Variants in CSMD1 observed in about 807,000 individuals in gnomAD.
CSMD1 encodes the protein CUB and Sushi multiple domains 1.
Under a neutral mutation model 417.5 loss-of-function variants are expected in CSMD1, and 213 were observed. The ratio of observed to expected loss-of-function variants is 0.51; its 90% confidence interval spans 0.46 to 0.57. The LOEUF (loss-of-function observed/expected upper bound fraction) is 0.57. CSMD1 is among the 20% of genes least tolerant of loss of function. The probability of loss-of-function intolerance (pLI) is 0.00; values close to 1 mark genes in which losing one functional copy is unlikely to be tolerated. For missense variants in CSMD1, 6,923 were observed against 4,529.7 expected, an observed-to-expected ratio of 1.53 and a Z score of -15.17; for synonymous variants, 2,862 against 1,736.8, an observed-to-expected ratio of 1.65 and a Z score of -16.11.
intron 1 of CSMD1, among the ~76,000 whole-genome samples, chr8:4,742,765 T>G (rs1418468987): frequency 6.6e-6 from 1 of 152,202 alleles, no homozygotes; most frequent in Non-Finnish European, 1.5e-5. Context: ...GTCTATTAAA[T>G]GCCATGTCAG....
chr8:2,953,232 G>A (rs1354546773), intron 65 of CSMD1, among the ~76,000 whole-genome samples: 3 of 152,116 alleles, frequency 2.0e-5, no homozygotes, highest in African/African-American at 4.8e-5. Flanking sequence ...AAATAAAATA[G>A]TCTAGAAAGC....
intron 1 of CSMD1, among the ~76,000 whole-genome samples, chr8:4,664,355 T>G (rs1447015134): frequency 6.6e-6 from 1 of 151,798 alleles, no homozygotes; most frequent in Non-Finnish European, 1.5e-5. Flanking sequence ...AGCTCAGGAG[T>G]TCTAGACCAG....
chr8:3,578,591 A>G (rs77599443), intron 9 of CSMD1, among the ~76,000 whole-genome samples: 2,658 of 152,294 alleles, frequency 0.017, 81 homozygotes, highest in African/African-American at 0.059. Flanking sequence ...AAACGATGCC[A>G]TAAGTTCTGA....
chr8:4,550,310 G>A (rs1305575928), intron 2 of CSMD1, among the ~76,000 whole-genome samples: 4 of 147,834 alleles, frequency 2.7e-5, no homozygotes, highest in Non-Finnish European at 4.4e-5. Flanking sequence ...ACATTTCATT[G>A]GAAGAAGCAT....
rs186619305 is a variant in CSMD1, at chr8:3,671,047, G to T, written c.1009+37367C>A. ...GGATATATGCATATGGGATATATATGTATATAGGATATATATGTATATGGG... is the reference window on the plus strand; with the variant it reads ...GGATATATGCATATGGGATATATATTTATATAGGATATATATGTATATGGG... On this transcript the variant is annotated intron_variant, in intron 7 of 69. Coordinates refer to ENST00000635120, the MANE Select transcript of CSMD1 (RefSeq NM_033225.6). Among the ~76,000 whole-genome samples the T allele has an allele frequency of 4.3e-3, 526 of 121,654 alleles. 9 individuals carry two copies. Among genetic ancestry groups the T allele is most frequent in the African/African-American group, 0.013 (469 of 36,046 alleles). The allele number at this position is 121,654 out of a possible 152,430, so 79.8% of individuals were successfully genotyped here. A position where few individuals can be genotyped will look rare whatever the true frequency, so the allele number is the denominator to read the frequency against.
chr8:4,316,886 G>A (rs4875328), intron 3 of CSMD1, among the ~76,000 whole-genome samples: 1 of 152,086 alleles, frequency 6.6e-6, no homozygotes, highest in Non-Finnish European at 1.5e-5. Context: ...TCCAAATCTT[G>A]GGGTGGGGGA....
At chr8:3,088,367 G>A (rs988547695) in intron 48 of CSMD1, among the ~76,000 whole-genome samples, 6 of 152,186 alleles carry the variant, frequency 3.9e-5, no homozygotes, top group Admixed American at 3.9e-4. Context: ...TAAGAACTGG[G>A]AATTCTCAGT....
intron 1 of CSMD1, among the ~76,000 whole-genome samples, chr8:4,761,534 T>C (rs1371612895): frequency 6.6e-6 from 1 of 152,130 alleles, no homozygotes; most frequent in Non-Finnish European, 1.5e-5. Context: ...TATATGTACT[T>C]GGGCAGCTCT....
intron 3 of CSMD1, among the ~76,000 whole-genome samples, chr8:4,115,127 C>G (rs923930490): frequency 6.6e-6 from 1 of 152,070 alleles, no homozygotes; most frequent in Non-Finnish European, 1.5e-5. Context: ...AAAAAAAGTC[C>G]ATAGATGAGG....
intron 12 of CSMD1, among the ~76,000 whole-genome samples, chr8:3,458,802 G>T (rs1459533463): frequency 6.6e-6 from 1 of 152,150 alleles, no homozygotes; most frequent in Admixed American, 6.5e-5. Flanking sequence ...GCTCTGCAAT[G>T]GTCTGGAGAA....
chr8:4,043,209 A>G (rs1357297540), intron 3 of CSMD1, among the ~76,000 whole-genome samples: 1 of 152,226 alleles, frequency 6.6e-6, no homozygotes, highest in East Asian at 1.9e-4. Flanking sequence ...TAAAGTCTAA[A>G]GTCACCACTA....
At chr8:3,835,358 T>G (rs1370120324) in intron 5 of CSMD1, among the ~76,000 whole-genome samples, 1 of 152,070 alleles carries the variant, frequency 6.6e-6, no homozygotes, top group East Asian at 1.9e-4. Flanking sequence ...GAAACTGTGG[T>G]CCATATACAC....
At chr8:3,504,983 G>C (rs1262793551) in intron 10 of CSMD1, among the ~76,000 whole-genome samples, 2 of 150,110 alleles carry the variant, frequency 1.3e-5, no homozygotes, top group African/African-American at 4.9e-5. Flanking sequence ...ACCAGGGAAA[G>C]TAAGCAAACA....
At chr8:3,765,138 G>C (rs1182499969) in intron 5 of CSMD1, among the ~76,000 whole-genome samples, 1 of 152,144 alleles carries the variant, frequency 6.6e-6, no homozygotes. Flanking sequence ...TTTATAATAT[G>C]AATCGATTTG....
At chr8:3,118,123 C>G (rs560055471) in intron 42 of CSMD1, among the ~76,000 whole-genome samples, 1 of 152,282 alleles carries the variant, frequency 6.6e-6, no homozygotes, top group South Asian at 2.1e-4. Flanking sequence ...AAGCCTGTGC[C>G]ATCTCCTTCC....
At chr8:3,181,764 T>A (rs1003242188) in intron 36 of CSMD1, among the ~76,000 whole-genome samples, 1 of 152,188 alleles carries the variant, frequency 6.6e-6, no homozygotes, top group Non-Finnish European at 1.5e-5. Flanking sequence ...TAGGGCTATT[T>A]TGACATAGTG....
chr8:4,215,096 CCGGA>C (rs1411810177), intron 3 of CSMD1, among the ~76,000 whole-genome samples: 2 of 152,112 alleles, frequency 1.3e-5, no homozygotes, highest in Non-Finnish European at 2.9e-5. Flanking sequence ...TGCTTCTATT[CCGGA>C]CAAGTGAATA....
At chr8:4,166,009 T>A (rs1036573960) in intron 3 of CSMD1, among the ~76,000 whole-genome samples, 9 of 152,168 alleles carry the variant, frequency 5.9e-5, no homozygotes, top group African/African-American at 1.9e-4. Flanking sequence ...GGACTGTACA[T>A]CTCTTTATAT....
chr8:3,174,173 A>G (rs1009694788), intron 37 of CSMD1, among the ~76,000 whole-genome samples: 1 of 152,224 alleles, frequency 6.6e-6, no homozygotes, highest in African/African-American at 2.4e-5. Context: ...TCAGTTAGTT[A>G]TATTATGTTC....
Sources: gnomAD v4.1 joint callset for allele counts (sites outside exome capture counted in the v4.1 genomes callset) on GRCh38, gnomAD v4.1.1 for gene constraint, MANE v1.5 for transcripts, NCBI Gene and HGNC (gene_info 2026-07-23, HGNC 2026-07-21) for gene names.